The following KIF26B variants were observed in gnomAD, a reference collection of about 807,000 sequenced individuals.
KIF26B encodes kinesin family member 26B, also known as kinesin-like protein KIF26B.
A neutral mutation model predicts 151.2 loss-of-function variants in KIF26B; 63 were observed. The observed-to-expected ratio is 0.42, with a 90% CI of 0.34 to 0.51. KIF26B has a LOEUF of 0.51. Among genes scored for constraint, KIF26B ranks in the 20% least tolerant of loss-of-function variants. The probability of loss-of-function intolerance (pLI) is 0.07; values close to 1 mark genes in which losing one functional copy is unlikely to be tolerated. For missense variants in KIF26B, 2,813 were observed against 2,913.6 expected (o/e 0.97, Z 0.79); for synonymous variants, 1,357 against 1,262.1 (o/e 1.08, Z -1.59).
In KIF26B at chr1:245,563,159, A is replaced by G. The variant is rs990709679; in HGVS notation, c.1350+22209A>G. On this transcript the variant is annotated intron_variant, in intron 5 of 14. Transcript: ENST00000407071. The surrounding 1 kb of genome is among the most constrained non-coding windows in gnomAD (Gnocchi z 4.6). ...GAGTCTATTGAAGGTGGAAACCAGC[A>G]CAATTCAAATGCTTTGCGTTAAATG... Among the ~76,000 whole-genome samples the G allele has an allele frequency of 1.3e-5, 2 of 152,224 alleles. No individual in the cohort carries two copies. Among genetic ancestry groups the G allele is most frequent in the Non-Finnish European group, 2.9e-5 (2 of 68,044 alleles).
In KIF26B at chr1:245,451,585, C is replaced by CTTTTTTTT. The variant is rs58192966; in HGVS notation, c.1166+31861_1166+31868dup. Among the ~76,000 whole-genome samples, 489 of 58,752 alleles carry CTTTTTTTT rather than the reference C, an allele frequency of 8.3e-3. 33 individuals are homozygous for CTTTTTTTT. The highest frequency in any genetic ancestry group is 0.018 in the Middle Eastern group (1 of 56). 38.5% of individuals were successfully genotyped at this position (58,752 alleles called of 152,430 possible). The stretch of plus-strand genomic sequence containing the variant: ...TATAATATGTATCCAGAAGATCTAT[C>CTTTTTTTT]TTTTTTTTTTTTTTTTTTTTTTTTT... On this transcript the variant is annotated intron_variant, in intron 4 of 14. Transcript: ENST00000407071.
intron 2 of KIF26B, among the ~76,000 whole-genome samples, chr1:245,307,375 C>T (rs1477151261): frequency 6.6e-6 from 1 of 151,766 alleles, no homozygotes; most frequent in East Asian, 2.0e-4. Context: ...TGCTCTGTTC[C>T]TTGGCTCCTC....
chr1:245,403,095 A>G (rs891496639), intron 3 of KIF26B, among the ~76,000 whole-genome samples: 7 of 152,154 alleles, frequency 4.6e-5, no homozygotes, highest in African/African-American at 1.7e-4. Context: ...CAGCCTCCCC[A>G]GTAGCTGGGA....
intron 2 of KIF26B, among the ~76,000 whole-genome samples, chr1:245,197,545 T>C (rs1195091869): frequency 1.3e-5 from 2 of 152,106 alleles, no homozygotes; most frequent in East Asian, 1.9e-4. Context: ...TGGCTAACGA[T>C]GGGGCTGTGT....
In KIF26B at chr1:245,239,058, G is replaced by T. The variant is rs917483425; in HGVS notation, c.465+82375G>T. Among the ~76,000 whole-genome samples the T allele has an allele frequency of 6.6e-6, 1 of 152,128 alleles. No homozygotes were observed. Among genetic ancestry groups the T allele is most frequent in the African/African-American group, 2.4e-5 (1 of 41,428 alleles). On this transcript the variant is annotated intron_variant, in intron 2 of 14. Transcript: ENST00000407071. The surrounding 1 kb of genome is among the most constrained non-coding windows in gnomAD (Gnocchi z 4.3). ...CTAATTTCGTTTTCCACCATCTACT[G>T]CAAGAGTTGTATTTTCTGCCTCACG...
At chr1:245,220,248 C>T (rs747953494) in intron 2 of KIF26B, among the ~76,000 whole-genome samples, 4 of 152,128 alleles carry the variant, frequency 2.6e-5, no homozygotes, top group Non-Finnish European at 4.4e-5. Flanking sequence ...CAATAATCAC[C>T]GATAGGAAAG....
chr1:245,606,421 TCCGGC>T lies in KIF26B; in HGVS notation c.1558-1227_1558-1223del, dbSNP rs1302918676. 1.3e-5 allele frequency among the ~76,000 whole-genome samples: 2 copies of T among 151,486 alleles called. No homozygotes were observed. The highest frequency in any genetic ancestry group is 2.9e-5 in the Non-Finnish European group (2 of 67,948). On this transcript the variant is annotated intron_variant, in intron 6 of 14. Transcript: ENST00000407071. The surrounding 1 kb of genome is among the most constrained non-coding windows in gnomAD (Gnocchi z 4.6). ...TCCCGGAGCTCCCACGAGCCCTGAC[TCCGGC>T]CCCGAGACAGAAATGAAAGCAACAG... is the stretch of plus-strand genomic sequence containing the variant.
Position 245,596,802 on chromosome 1 carries a change from C to T in KIF26B, c.1351-5775C>T, listed in dbSNP as rs111526802. ...TGTAGGTCTCTGAGAATTTGCTTTG[C>T]GAATCTGGGTGCTCCTGTATTGGGT... On this transcript the variant is annotated intron_variant, in intron 5 of 14. Transcript: ENST00000407071. 5.5e-3 allele frequency among the ~76,000 whole-genome samples: 832 copies of T among 152,204 alleles called. 9 individuals carry two copies. Among genetic ancestry groups the T allele is most frequent in the African/African-American group, 0.019 (798 of 41,540 alleles).
intron 3 of KIF26B, among the ~76,000 whole-genome samples, chr1:245,400,043 G>A (rs757660515): frequency 2.9e-4 from 44 of 152,248 alleles, no homozygotes; most frequent in Middle Eastern, 3.4e-3. Context: ...AAGAGTAATG[G>A]TGAAAGACTG....
chr1:245,327,162 G>C (rs767670322), intron 2 of KIF26B, among the ~76,000 whole-genome samples: 2 of 152,166 alleles, frequency 1.3e-5, no homozygotes, highest in Non-Finnish European at 2.9e-5. Flanking sequence ...CTATGGCTTT[G>C]GAAGGCACCC....
At chr1:245,574,368 T>C (rs1164204194) in intron 5 of KIF26B, among the ~76,000 whole-genome samples, 24 of 152,310 alleles carry the variant, frequency 1.6e-4, no homozygotes. Flanking sequence ...GGTCTCGAAC[T>C]CCTGACCTCA....
chr1:245,301,261 AG>A (rs2102977651), intron 2 of KIF26B, among the ~76,000 whole-genome samples: 2 of 152,324 alleles, frequency 1.3e-5, no homozygotes, highest in Admixed American at 1.3e-4. Flanking sequence ...CTCCCTGGCC[AG>A]GCTGCTCTGG....
intron 2 of KIF26B, among the ~76,000 whole-genome samples, chr1:245,346,173 G>C (rs1295362379): frequency 2.6e-5 from 4 of 151,970 alleles, no homozygotes; most frequent in African/African-American, 7.3e-5. Flanking sequence ...TTGAACTCCT[G>C]ACCTCGTGAT....
chr1:245,483,522 C>T (rs913642594), intron 4 of KIF26B, among the ~76,000 whole-genome samples: 8 of 151,768 alleles, frequency 5.3e-5, no homozygotes, highest in Admixed American at 3.3e-4. Flanking sequence ...GTTGGGGGAG[C>T]GGGGAAAGTG....
At chr1:245,444,149 CGGTCATCTCCCTCACTGTTCACCTAGAGT>C (rs1558168189) in intron 4 of KIF26B, among the ~76,000 whole-genome samples, 7 of 108,058 alleles carry the variant, frequency 6.5e-5, no homozygotes, top group Non-Finnish European at 6.2e-5. Flanking sequence ...TCACCTAGAG[CGGTCATCTCCCTCACTGTTCACCTAGAGT>C]GGTCATCTCC....
At chr1:245,552,548 C>T (rs987456639) in intron 5 of KIF26B, among the ~76,000 whole-genome samples, 13 of 151,872 alleles carry the variant, frequency 8.6e-5, no homozygotes, top group African/African-American at 2.7e-4. Flanking sequence ...CATTCTGTTG[C>T]GATGATCCTT....
At chr1:245,477,205 C>G (rs1660058453) in intron 4 of KIF26B, among the ~76,000 whole-genome samples, 1 of 151,910 alleles carries the variant, frequency 6.6e-6, no homozygotes, top group Admixed American at 6.6e-5. Flanking sequence ...CCCCATTTCT[C>G]TTTTCTAAAT....
At chr1:245,258,144 G>A (rs1265154415) in intron 2 of KIF26B, among the ~76,000 whole-genome samples, 1 of 152,188 alleles carries the variant, frequency 6.6e-6, no homozygotes, top group East Asian at 1.9e-4. Flanking sequence ...ACAGTGCTGA[G>A]TTTGTCATCA....
intron 9 of KIF26B, among the ~76,000 whole-genome samples, chr1:245,642,942 C>T (rs780905136): frequency 6.6e-5 from 10 of 152,162 alleles, no homozygotes; most frequent in South Asian, 2.1e-4. Flanking sequence ...GATAGTTCCA[C>T]GACTGCAGCA....
Sources: gnomAD v4.1 joint callset for allele counts (sites outside exome capture counted in the v4.1 genomes callset) on GRCh38, gnomAD v4.1.1 for gene constraint, Gnocchi (gnomAD v3.1) non-coding constraint, MANE v1.5 for transcripts, NCBI Gene and HGNC (gene_info 2026-07-23, HGNC 2026-07-21) for gene names.